The following KIF18B variants were observed in gnomAD, a reference collection of about 807,000 sequenced individuals.
KIF18B encodes kinesin-like protein KIF18B.
KIF18B carries 49 observed loss-of-function variants against 80.9 expected under a neutral mutation model. The observed-to-expected ratio is 0.61, with a 90% CI of 0.48 to 0.77. The LOEUF is 0.77. KIF18B is among the 30% of genes least tolerant of loss of function. KIF18B has a pLI of 0.00. For synonymous variants in KIF18B, 439 were observed against 463.9 expected (o/e 0.95, Z 0.69); for missense variants, 994 against 1,127.7 (o/e 0.88, Z 1.70).
intron 7 of KIF18B, among the ~76,000 whole-genome samples, chr17:44,933,459 C>T (rs989012613): frequency 6.6e-6 from 1 of 151,978 alleles, no homozygotes; most frequent in Non-Finnish European, 1.5e-5. Context: ...GACTGTGTCG[C>T]TTCTATCACA....
rs2052076447 is a variant in KIF18B at position 44,928,413 on chromosome 17, C to T, written c.1889G>A (p.Arg630Lys). The T allele has an allele frequency of 3.2e-6, 5 of 1,549,172 alleles. No individual in the cohort carries two copies. The highest frequency in any genetic ancestry group is 1.4e-5 in the African/African-American group (1 of 73,478). Residue 630 changes from arginine (R) to lysine (K), a missense_variant, in exon 13 of 16, where the codon AGG (arginine) becomes AAG (lysine). Transcript: ENST00000593135. ...GSRWPMEKKR[R>K]RPSALEADSP... Reference sequence around the variant, plus strand: ...GTCTGCCTCCAAGGCGCTTGGTCTCCTCCTCTTCTTCTCCATGGGCCATCG... The same window carrying T: ...GTCTGCCTCCAAGGCGCTTGGTCTCTTCCTCTTCTTCTCCATGGGCCATCG...
At position 44,934,738 on chromosome 17, in the gene KIF18B, C is replaced by T; in HGVS notation, c.576+93G>A. ...CTTGCTACCACCACCACTGCTACCA[C>T]CATCACAGGACCCAGGGCATCCCCA... On this transcript the variant is annotated intron_variant, in intron 4 of 15. Coordinates refer to ENST00000593135, the MANE Select transcript of KIF18B (RefSeq NM_001265577.2). The surrounding 1 kb of genome is among the most constrained non-coding windows in gnomAD (Gnocchi z 5.4). 3 of 1,257,742 alleles carry T rather than the reference C, an allele frequency of 2.4e-6. No homozygotes were observed. Among genetic ancestry groups the T allele is most frequent in the Non-Finnish European group, 3.3e-6 (3 of 902,840 alleles). 77.9% of individuals were successfully genotyped at this position (1,257,742 alleles called of 1,614,324 possible).
intron 1 of KIF18B, among the ~76,000 whole-genome samples, chr17:44,937,368 T>C (rs1260607520): frequency 6.6e-6 from 1 of 152,212 alleles, no homozygotes; most frequent in Non-Finnish European, 1.5e-5. Context: ...TTAAACTCTT[T>C]CAGGCAAGAT....
At position 44,936,087 on chromosome 17, in the gene KIF18B, G is replaced by A. The variant is rs1258077743; in HGVS notation, c.258C>T (p.Phe86=). The A allele has an allele frequency of 6.2e-7, 1 of 1,613,834 alleles. No individual in the cohort carries two copies. The highest frequency in any genetic ancestry group is 2.2e-5 in the East Asian group (1 of 44,890). The change falls in exon 2 of 16, where the codon TTC becomes TTT. Residue 86 remains phenylalanine, a synonymous_variant. Transcript: ENST00000593135. The part of the protein sequence containing the change: ...FGEAATQQDV[F]QHTTHSVLDS... Reference sequence around the variant, plus strand: ...CCAGGACGCTGTGCGTGGTGTGCTGGAACACGTCCTGTTGGGTGGCCGCCT... The same window carrying A: ...CCAGGACGCTGTGCGTGGTGTGCTGAAACACGTCCTGTTGGGTGGCCGCCT...
intron 14 of KIF18B, 125 bp downstream of exon 14, chr17:44,926,864 C>G: frequency 1.2e-6 from 1 of 813,676 alleles, no homozygotes; most frequent in Non-Finnish European, 2.0e-6. Flanking sequence ...GCTCACAGGA[C>G]CTCAGCTGCT....
intron 11 of KIF18B, 39 bp downstream of exon 11, chr17:44,931,563 T>C: frequency 1.9e-6 from 3 of 1,613,666 alleles, no homozygotes; most frequent in Non-Finnish European, 2.5e-6. Context: ...GCCCATTGCT[T>C]CCCACCTTGA....
In KIF18B at chr17:44,926,394, C is replaced by A; in HGVS notation, c.2452+20G>T. ...TCGGCCTCCATGGCCCAGGCTATCC[C>A]TGTCCCTAGTGCCAGTCACCTGGGA... On this transcript the variant is annotated intron_variant, in intron 15 of 15. Transcript: ENST00000593135. 6.4e-7 allele frequency: 1 copy of A among 1,561,398 alleles called. No homozygotes were observed. Among genetic ancestry groups the A allele is most frequent in the East Asian group, 2.4e-5 (1 of 41,776 alleles).
chr17:44,944,337 G>A (rs771027017), intron 1 of KIF18B, among the ~76,000 whole-genome samples: 7 of 151,774 alleles, frequency 4.6e-5, no homozygotes, highest in South Asian at 2.1e-4. Flanking sequence ...CCGAGTCCCC[G>A]GTCCAAGCGA....
rs1171791476 is a variant in KIF18B at position 44,931,663 on chromosome 17, G to A, written c.1456C>T (p.Gln486Ter). Residue 486 changes from glutamine (Q) to a stop codon, truncating the protein, a stop_gained, in exon 11 of 16, where the codon CAG becomes TAG. Coordinates refer to ENST00000593135, the MANE Select transcript of KIF18B (RefSeq NM_001265577.2). LOFTEE classifies it high-confidence loss of function. ...ALPESPRLTL[Q>*]PKPVVGHFSA... The stretch of plus-strand genomic sequence containing the variant: ...AAGTGGCCCACGACTGGCTTGGGCT[G>A]CAGGGTCAGGCGAGGGGACTCTGGC... The A allele has an allele frequency of 6.2e-7, 1 of 1,613,974 alleles. No homozygotes were observed. Among genetic ancestry groups the A allele is most frequent in the Non-Finnish European group, 8.5e-7 (1 of 1,179,880 alleles).
At chr17:44,930,192 G>T (rs1015356083) in intron 11 of KIF18B, among the ~76,000 whole-genome samples, 10 of 152,244 alleles carry the variant, frequency 6.6e-5, no homozygotes, top group Admixed American at 6.5e-4. Context: ...ACATTACAAG[G>T]AAGATTAGAC....
intron 2 of KIF18B, 23 bp from the exon 3 acceptor site, chr17:44,935,439 G>A (rs1392562379): frequency 6.4e-6 from 10 of 1,574,396 alleles, no homozygotes; most frequent in Non-Finnish European, 7.8e-6. Flanking sequence ...TAGTAAGGAG[G>A]AGGACCCCAG....
intron 1 of KIF18B, among the ~76,000 whole-genome samples, chr17:44,945,281 G>C (rs577182224): frequency 9.9e-5 from 15 of 152,082 alleles, no homozygotes; most frequent in Non-Finnish European, 1.6e-4. Flanking sequence ...GGCTGGTCTT[G>C]AACTCCTGGG....
chr17:44,935,191 C>T, intron 3 of KIF18B, 68 bp downstream of exon 3: 1 of 1,473,802 alleles, frequency 6.8e-7, no homozygotes, highest in South Asian at 1.4e-5. Context: ...CACCAGCTCA[C>T]TCCACCCCAT....
chr17:44,947,391 G>T (rs1320979337), intron 1 of KIF18B, among the ~76,000 whole-genome samples: 1 of 152,168 alleles, frequency 6.6e-6, no homozygotes, highest in Non-Finnish European at 1.5e-5. Context: ...GAGCGGAGGG[G>T]TCCTGACCAC....
chr17:44,926,825 C>G (rs546054647), intron 14 of KIF18B, among the ~76,000 whole-genome samples, 164 bp downstream of exon 14: 22 of 152,280 alleles, frequency 1.4e-4, no homozygotes, highest in African/African-American at 5.3e-4. Flanking sequence ...GCCAAGGAAA[C>G]CTCAATAGGA....
In KIF18B at chr17:44,932,736, C is replaced by G. The variant is rs1380895135; in HGVS notation, c.1175G>C (p.Gly392Ala). ...GTCCTGTGGTGGGGGCTGGCCTCCCCCCTCATACACTTGGAGCTTCTTCCT... is the reference window on the plus strand; with the variant it reads ...GTCCTGTGGTGGGGGCTGGCCTCCCGCCTCATACACTTGGAGCTTCTTCCT... ...ALRKKLQVYE[G>A]GGQPPPQDLP... Residue 392 changes from glycine (G) to alanine (A), a missense_variant, in exon 9 of 16, where the codon GGG (glycine) becomes GCG (alanine). By Grantham distance (60) the Gly-to-Ala change is moderately conservative (BLOSUM62 0). Transcript: ENST00000593135. 3 of 1,613,332 alleles carry G rather than the reference C, an allele frequency of 1.9e-6. No homozygotes were observed. The highest frequency in any genetic ancestry group is 2.2e-5 in the East Asian group (1 of 44,866).
chr17:44,940,393 T>G (rs1383324741), intron 1 of KIF18B, among the ~76,000 whole-genome samples: 1 of 152,266 alleles, frequency 6.6e-6, no homozygotes, highest in Non-Finnish European at 1.5e-5. Flanking sequence ...ATTTCTCCTT[T>G]AATCTATTAA....
intron 1 of KIF18B, among the ~76,000 whole-genome samples, chr17:44,945,193 TG>T (rs2052488384): frequency 6.6e-6 from 1 of 152,204 alleles, no homozygotes; most frequent in Non-Finnish European, 1.5e-5. Context: ...CCTGAGTAGC[TG>T]GGAATCACAG....
chr17:44,930,614 G>C (rs2052124952), intron 11 of KIF18B, among the ~76,000 whole-genome samples: 1 of 152,186 alleles, frequency 6.6e-6, no homozygotes, highest in Non-Finnish European at 1.5e-5. Flanking sequence ...TCATCCCCAA[G>C]AAGTAGGGAG....
Sources: gnomAD v4.1 joint callset for allele counts (sites outside exome capture counted in the v4.1 genomes callset) on GRCh38, gnomAD v4.1.1 for gene constraint, Gnocchi (gnomAD v3.1) non-coding constraint, MANE v1.5 for transcripts, NCBI Gene and HGNC (gene_info 2026-07-23, HGNC 2026-07-21) for gene names.